The following SRP19 variants were observed in gnomAD, a reference collection of about 807,000 sequenced individuals.
SRP19 encodes the protein signal recognition particle 19 kDa protein.
Under a neutral mutation model 22.4 loss-of-function variants are expected in SRP19, and 11 were observed. That is an observed-to-expected ratio of 0.49 (90% CI 0.31 to 0.81). The LOEUF is 0.81. Ranked by LOEUF, SRP19 falls within the 40% of genes least tolerant of loss-of-function variation. The pLI is 0.05. For synonymous variants in SRP19, 61 were observed against 57.6 expected (o/e 1.06, Z -0.27); for missense variants, 168 against 175.9 (o/e 0.96, Z 0.25).
chr5:112,895,130 T>C (rs925776378), downstream of SRP19: 1 of 149,756 alleles, frequency 6.7e-6, no homozygotes, highest in African/African-American at 2.5e-5. Flanking sequence ...TCCCAGCCAC[T>C]CAGGAGGCTG....
At chr5:112,884,185 CAT>C (rs1160618629) in intron 4 of SRP19, among the ~76,000 whole-genome samples, 2 of 152,162 alleles carry the variant, frequency 1.3e-5, no homozygotes, top group Admixed American at 1.3e-4. Context: ...CCACATCTCA[CAT>C]AGAGTAGAAG....
Position 112,867,506 on chromosome 5 carries a change from G to C in SRP19, c.404G>C (p.Ser135Thr). 6.2e-7 allele frequency: 1 copy of C among 1,611,814 alleles called. No homozygotes were observed. Among genetic ancestry groups the C allele is most frequent in the Non-Finnish European group, 8.5e-7 (1 of 1,179,430 alleles). Residue 135 changes from serine to threonine, a missense_variant, in exon 5 of 5, where the codon AGT (serine) becomes ACT (threonine). By Grantham distance (58) the Ser-to-Thr change is moderately conservative. Coordinates refer to ENST00000505459, the MANE Select transcript of SRP19 (RefSeq NM_003135.3). ...ADQSLQQGEGSKKGKGKKKK is the reference protein window; with the variant it reads ...ADQSLQQGEGTKKGKGKKKK Reference sequence around the variant, plus strand: ...CAAAGTCTTCAACAAGGAGAGGGAAGTAAAAAAGGGAAAGGAAAGAAAAAG... The same window carrying C: ...CAAAGTCTTCAACAAGGAGAGGGAACTAAAAAAGGGAAAGGAAAGAAAAAG...
intron 4 of SRP19, among the ~76,000 whole-genome samples, chr5:112,888,735 G>C (rs1202779979): frequency 6.6e-6 from 1 of 150,966 alleles, no homozygotes; most frequent in East Asian, 2.0e-4. Context: ...TTAAGACAGA[G>C]ACTTGCTAGG....
chr5:112,862,716 A>C, intron 2 of SRP19, 133 bp downstream of exon 2: 3 of 755,348 alleles, frequency 4.0e-6, no homozygotes, highest in Non-Finnish European at 4.4e-6. Flanking sequence ...CACAGCCAAG[A>C]ATTGGGGTGC....
intron 4 of SRP19, among the ~76,000 whole-genome samples, chr5:112,888,717 A>T (rs574059298): frequency 6.6e-6 from 1 of 151,146 alleles, no homozygotes; most frequent in African/African-American, 2.5e-5. Flanking sequence ...ACACATGCAC[A>T]AGAGTTTTTA....
chr5:112,875,278 C>T (rs1350348022), intron 4 of SRP19, among the ~76,000 whole-genome samples: 2 of 152,128 alleles, frequency 1.3e-5, no homozygotes, highest in Non-Finnish European at 2.9e-5. Flanking sequence ...ATTCTAAACA[C>T]CATAATTCTA....
In SRP19 at chr5:112,861,444, G is replaced by A. The variant is rs1224169245; in HGVS notation, c.41+27G>A. On this transcript the variant is annotated intron_variant, in intron 1 of 4. Transcript: ENST00000505459. ...TGGGTTCTGAGGCGGTGGGTCCTCC[G>A]AAAGGAAGGGGCTTGCTGTGGTGCT... 7 of 1,609,702 alleles carry A rather than the reference G, an allele frequency of 4.3e-6. No individual in the cohort carries two copies. In the Admixed American group the frequency reaches 5.1e-5, roughly 12 times the overall value.
rs1044356553 is a variant in SRP19 at position 112,862,643 on chromosome 5, G to A, written c.117+60G>A. ...GAATGGGGGGTGTCATCCTGGTCGG[G>A]CCACGTAATCTTGTTAGAGCCGCAG... is the stretch of plus-strand genomic sequence containing the variant. On this transcript the variant is annotated intron_variant, in intron 2 of 4. Transcript: ENST00000505459. The A allele has an allele frequency of 2.5e-5, 37 of 1,492,080 alleles. No homozygotes were observed. The African/African-American group carries it at 4.7e-4, about 19-fold the overall frequency. 92.4% of individuals were successfully genotyped at this position (1,492,080 alleles called of 1,614,324 possible). A position where few individuals can be genotyped will look rare whatever the true frequency, so the allele number is the denominator to read the frequency against.
Position 112,864,722 on chromosome 5 carries a change from GT to G in SRP19, c.293del (p.Phe98SerfsTer7). 1 of 1,612,102 alleles carries G rather than the reference GT, an allele frequency of 6.2e-7. No homozygotes were observed. Among genetic ancestry groups the G allele is most frequent in the Non-Finnish European group, 8.5e-7 (1 of 1,178,834 alleles). On this transcript the variant is annotated frameshift_variant, in exon 4 of 5. Transcript: ENST00000505459. LOFTEE classifies it high-confidence loss of function. ...AAGATGGGAGCCTCTGCCTTGTACA[GT>G]TCCCATCACGTAAGCTTGTTTAAAT... ...QEDGSLCLVQ[F>X]PSRKSVMLYA...
downstream of SRP19, among the ~76,000 whole-genome samples, chr5:112,870,504 C>T (rs1283208059): frequency 6.6e-6 from 1 of 151,886 alleles, no homozygotes; most frequent in African/African-American, 2.4e-5. Flanking sequence ...TGGTAGCCAA[C>T]TGAAAAGATT....
chr5:112,868,287 A>G lies in SRP19; in HGVS notation c.*750A>G. ...CCAGAATTTCAGAGCGGTTTCTGAA[A>G]GTAGTGATTTTGAGCTATCCCAATT... On this transcript the variant is annotated 3_prime_UTR_variant, in exon 5 of 5. Coordinates refer to ENST00000505459, the MANE Select transcript of SRP19 (RefSeq NM_003135.3). 1.0e-6 allele frequency: 1 copy of G among 985,546 alleles called. No homozygotes were observed. Among genetic ancestry groups the G allele is most frequent in the Non-Finnish European group, 1.2e-6 (1 of 829,994 alleles). The allele number at this position is 985,546 out of a possible 1,614,324, so 61.1% of individuals were successfully genotyped here. A position where few individuals can be genotyped will look rare whatever the true frequency, so the allele number is the denominator to read the frequency against.
Position 112,868,456 on chromosome 5 carries a change from A to G in SRP19, c.*919A>G. ...ACTCTTGTTGCCTAGGCTGGAGTGCAATGGCACGATATCGGCGTACCACAA... is the reference window on the plus strand; with the variant it reads ...ACTCTTGTTGCCTAGGCTGGAGTGCGATGGCACGATATCGGCGTACCACAA... On this transcript the variant is annotated 3_prime_UTR_variant, in exon 5 of 5. Coordinates refer to ENST00000505459, the MANE Select transcript of SRP19 (RefSeq NM_003135.3). The G allele has an allele frequency of 1.4e-5, 12 of 860,574 alleles. No individual in the cohort carries two copies. Among genetic ancestry groups the G allele is most frequent in the Non-Finnish European group, 1.7e-5 (12 of 715,326 alleles). 53.3% of individuals were successfully genotyped at this position (860,574 alleles called of 1,614,324 possible).
chr5:112,887,135 C>G (rs1401761707), intron 4 of SRP19: 2 of 1,612,606 alleles, frequency 1.2e-6, no homozygotes, highest in South Asian at 1.1e-5. Flanking sequence ...TAGAGCAGTT[C>G]AGCCCCATTA....
In SRP19 at chr5:112,867,613, AC is replaced by A. The variant is rs1294076660; in HGVS notation, c.*77del. 1.5e-5 allele frequency: 21 copies of A among 1,423,792 alleles called. No homozygotes were observed. Among genetic ancestry groups the A allele is most frequent in the Non-Finnish European group, 1.9e-5 (21 of 1,083,912 alleles). 88.2% of individuals were successfully genotyped at this position (1,423,792 alleles called of 1,614,324 possible). Reference sequence around the variant, plus strand: ...GACTTCTAATTTGTATCGGAGGGAAACAGAAGCTTTTTGTTTGCATCATTTA... The same window carrying A: ...GACTTCTAATTTGTATCGGAGGGAAAAGAAGCTTTTTGTTTGCATCATTTA... On this transcript the variant is annotated 3_prime_UTR_variant, in exon 5 of 5. Coordinates refer to ENST00000505459, the MANE Select transcript of SRP19 (RefSeq NM_003135.3).
At chr5:112,870,963 C>T (rs139948960), downstream of SRP19, among the ~76,000 whole-genome samples, 9,932 of 152,232 alleles carry the variant, frequency 0.065, 394 homozygotes, top group South Asian at 0.14. Flanking sequence ...AGTGATTCTC[C>T]TGCCTCAGCC....
chr5:112,864,694 A>T lies in SRP19; in HGVS notation c.263A>T (p.Gln88Leu). ...GGCAGAGTCCGGGTCCAGCTCAAAC[A>T]GGAAGATGGGAGCCTCTGCCTTGTA... ...YRGRVRVQLK[Q>L]EDGSLCLVQF... Residue 88 changes from glutamine to leucine, a missense_variant, in exon 4 of 5, where the codon CAG becomes CTG. Transcript: ENST00000505459. The T allele has an allele frequency of 6.2e-7, 1 of 1,614,166 alleles. No homozygotes were observed.
At chr5:112,877,044 A>G (rs1235084393) in intron 4 of SRP19, 2 of 152,114 alleles carry the variant, frequency 1.3e-5, no homozygotes, top group African/African-American at 2.4e-5. Flanking sequence ...AAGGATTTAA[A>G]TACTCCTAGA....
At chr5:112,886,328 T>G (rs1459050797) in intron 4 of SRP19, among the ~76,000 whole-genome samples, 1 of 152,228 alleles carries the variant, frequency 6.6e-6, no homozygotes, top group Non-Finnish European at 1.5e-5. Flanking sequence ...GTTTTGAGGT[T>G]GTACTTTTTC....
chr5:112,884,152 G>A (rs1442433756), intron 4 of SRP19, among the ~76,000 whole-genome samples: 1 of 152,106 alleles, frequency 6.6e-6, no homozygotes, highest in African/African-American at 2.4e-5. Flanking sequence ...TTTTGCTTCT[G>A]TGGTTAAAAG....
Sources: gnomAD v4.1 joint callset for allele counts (sites outside exome capture counted in the v4.1 genomes callset) on GRCh38, gnomAD v4.1.1 for gene constraint, MANE v1.5 for transcripts, NCBI Gene and HGNC (gene_info 2026-07-23, HGNC 2026-07-21) for gene names.